CACNB2: variants seen among roughly 807,000 people sequenced by gnomAD.
CACNB2 encodes the protein calcium voltage-gated channel auxiliary subunit beta 2, also known as voltage-dependent L-type calcium channel subunit beta-2.
In CACNB2, 42 loss-of-function variants were observed where a neutral mutation model predicts 73.3. That is an observed-to-expected ratio of 0.57 (90% CI 0.45 to 0.74). CACNB2 has a LOEUF of 0.74. Ranked by LOEUF, CACNB2 falls within the 30% of genes least tolerant of loss-of-function variation. The pLI, the probability that CACNB2 is intolerant of heterozygous loss-of-function variation, is 0.00. For missense variants in CACNB2, 940 were observed against 853.0 expected, an observed-to-expected ratio of 1.10 and a Z score of -1.27; for synonymous variants, 348 against 310.3, an observed-to-expected ratio of 1.12 and a Z score of -1.28.
chr10:18,499,323 TA>T (rs534194878), intron 4 of CACNB2, among the ~76,000 whole-genome samples: 69 of 152,218 alleles, frequency 4.5e-4, no homozygotes, highest in African/African-American at 1.6e-3. Flanking sequence ...AACTGCCGAT[TA>T]AAAGAACCTA....
At chr10:18,533,392 C>T (rs748101732) in intron 10 of CACNB2, 2 of 152,344 alleles carry the variant, frequency 1.3e-5, no homozygotes, top group African/African-American at 2.4e-5. Flanking sequence ...TTGGAGATCA[C>T]AGAACAGATG....
chr10:18,154,305 AAC>A, intron 2 of CACNB2, among the ~76,000 whole-genome samples: 1 of 151,864 alleles, frequency 6.6e-6, no homozygotes, highest in Non-Finnish European at 1.5e-5. Flanking sequence ...AAAAAAAAAA[AAC>A]AACTTGGAGA....
At chr10:18,403,749 T>C (rs1453917141) in intron 3 of CACNB2, among the ~76,000 whole-genome samples, 1 of 151,850 alleles carries the variant, frequency 6.6e-6, no homozygotes, top group Non-Finnish European at 1.5e-5. Context: ...TTAGAAATGA[T>C]GTAGAGGATA....
At chr10:18,142,077 T>C (rs576120122) in intron 1 of CACNB2, among the ~76,000 whole-genome samples, 1 of 152,318 alleles carries the variant, frequency 6.6e-6, no homozygotes, top group East Asian at 1.9e-4. Context: ...TTTCTTGCTG[T>C]TGTTTTGATA....
intron 3 of CACNB2, among the ~76,000 whole-genome samples, chr10:18,441,244 A>T (rs1371505301): frequency 6.6e-6 from 1 of 152,094 alleles, no homozygotes; most frequent in Non-Finnish European, 1.5e-5. Flanking sequence ...TCTCTACTAA[A>T]AATAGAAAAA....
rs74117945 is a variant in CACNB2 at position 18,290,868 on chromosome 10, G to A, written c.214-111056G>A. On this transcript the variant is annotated intron_variant, in intron 2 of 13. Transcript: ENST00000324631. The stretch of plus-strand genomic sequence containing the variant: ...AGCCTGGATCTGCGCTGTTAATCTA[G>A]ATTGACAGGAGGTAAAAGGAGAGGA... Among the ~76,000 whole-genome samples the A allele has an allele frequency of 2.2e-3, 336 of 152,356 alleles. 2 individuals are homozygous for A. The highest frequency in any genetic ancestry group is 7.7e-3 in the African/African-American group (322 of 41,590).
chr10:18,261,056 A>C (rs968052205), intron 2 of CACNB2: 43 of 1,275,210 alleles, frequency 3.4e-5, no homozygotes, highest in East Asian at 3.1e-4. Flanking sequence ...CCCCACCCCC[A>C]AAAAAAGACA....
intron 2 of CACNB2, among the ~76,000 whole-genome samples, chr10:18,389,344 G>A (rs777086661): frequency 2.0e-5 from 3 of 152,126 alleles, no homozygotes; most frequent in Non-Finnish European, 2.9e-5. Flanking sequence ...TCCCTATGTT[G>A]CAAAGGCAGG....
chr10:18,140,827 C>T lies in CACNB2; in HGVS notation c.91C>T (p.Pro31Ser), dbSNP rs766827150. ...IQMELLENVA[P>S]AGALGAAAQS... is the part of the protein sequence containing the mutation. ...GATGGAACTGCTAGAGAACGTGGCT[C>T]CCGCGGGGGCGCTCGGAGCCGCCGC... Residue 31 changes from proline to serine, a missense_variant, in exon 1 of 14, where the codon CCC (proline) becomes TCC (serine). By Grantham distance (74) the Pro-to-Ser change is moderately conservative. Transcript: ENST00000324631. The T allele has an allele frequency of 1.2e-6, 2 of 1,603,840 alleles. No individual in the cohort carries two copies. Among genetic ancestry groups the T allele is most frequent in the South Asian group, 1.1e-5 (1 of 89,410 alleles).
chr10:18,273,354 T>C (rs1432884350), intron 2 of CACNB2, among the ~76,000 whole-genome samples: 2 of 151,518 alleles, frequency 1.3e-5, no homozygotes, highest in Non-Finnish European at 2.9e-5. Flanking sequence ...ATCCAAGTGC[T>C]GTTTTCCAGA....
Position 18,538,271 on chromosome 10 carries a change from A to G in CACNB2, c.1394A>G (p.His465Arg). Residue 465 changes from histidine (H) to arginine (R), a missense_variant, in exon 13 of 14, where the codon CAT becomes CGT. His to Arg is a conservative substitution (Grantham distance 29, BLOSUM62 0). Coordinates refer to ENST00000324631, the MANE Select transcript of CACNB2 (RefSeq NM_201596.3). ...DYLEAYWKAT[H>R]PPSSSLPNPL... is the part of the protein sequence containing the mutation. ...CTGGAGGCCTACTGGAAGGCCACCC[A>G]TCCTCCCAGCAGTAGCCTCCCCAAC... is the stretch of plus-strand genomic sequence containing the variant. The G allele has an allele frequency of 5.0e-6, 8 of 1,614,050 alleles. No individual in the cohort carries two copies. Among genetic ancestry groups the G allele is most frequent in the Non-Finnish European group, 6.8e-6 (8 of 1,179,896 alleles).
intron 2 of CACNB2, among the ~76,000 whole-genome samples, chr10:18,192,117 A>G (rs1410598623): frequency 2.0e-5 from 3 of 151,852 alleles, no homozygotes; most frequent in African/African-American, 4.8e-5. Context: ...TCTGATCTCC[A>G]GCAAATGCAG....
intron 2 of CACNB2, among the ~76,000 whole-genome samples, chr10:18,155,324 G>A (rs2031952777): frequency 6.6e-6 from 1 of 152,208 alleles, no homozygotes; most frequent in Non-Finnish European, 1.5e-5. Context: ...TTCTTTCACT[G>A]AACATTATGG....
chr10:18,371,286 A>G (rs772180166), intron 2 of CACNB2, among the ~76,000 whole-genome samples: 18 of 152,148 alleles, frequency 1.2e-4, no homozygotes, highest in East Asian at 1.2e-3. Flanking sequence ...TACATGTGCC[A>G]TGTTGGTGTG....
intron 2 of CACNB2, among the ~76,000 whole-genome samples, chr10:18,308,319 T>A (rs2039823792): frequency 6.6e-6 from 1 of 152,150 alleles, no homozygotes; most frequent in Non-Finnish European, 1.5e-5. Flanking sequence ...TTTTTAAAAA[T>A]GTTCACGTTC....
At chr10:18,513,150 G>A (rs1370654129) in intron 6 of CACNB2, 3 of 133,056 alleles carry the variant, frequency 2.3e-5, no homozygotes, top group African/African-American at 9.1e-5. Context: ...GAGCTTCTCA[G>A]TCCAACAGCT....
At chr10:18,527,745 T>C in intron 10 of CACNB2, 48 bp downstream of exon 10, 2 of 1,155,386 alleles carry the variant, frequency 1.7e-6, no homozygotes, top group East Asian at 4.7e-5. Context: ...CCTCTCCCGA[T>C]GTTGATGATG....
intron 3 of CACNB2, among the ~76,000 whole-genome samples, chr10:18,412,442 A>T (rs1465774769): frequency 6.6e-6 from 1 of 151,888 alleles, no homozygotes. Context: ...TGCCAACCTT[A>T]TCACCCCAGG....
At chr10:18,371,356 C>G (rs901828199) in intron 2 of CACNB2, among the ~76,000 whole-genome samples, 1 of 152,120 alleles carries the variant, frequency 6.6e-6, no homozygotes, top group Non-Finnish European at 1.5e-5. Context: ...TCCCTCCCCC[C>G]TTTCCCCGAC....
Sources: allele counts gnomAD v4.1 joint callset (sites outside exome capture counted in the v4.1 genomes callset), GRCh38; gene constraint gnomAD v4.1.1; transcripts MANE v1.5; gene names NCBI Gene and HGNC (gene_info 2026-07-23, HGNC 2026-07-21).